Variants in LRFN2 observed in about 807,000 individuals in gnomAD.
The protein encoded by LRFN2 is leucine rich repeat and fibronectin type III domain containing 2, also known as leucine-rich repeat and fibronectin type-III domain-containing protein 2.
A neutral mutation model predicts 37.3 loss-of-function variants in LRFN2; 18 were observed. That is an observed-to-expected ratio of 0.48 (90% CI 0.33 to 0.72). The LOEUF is 0.72. Ranked by LOEUF, LRFN2 falls within the 30% of genes least tolerant of loss-of-function variation. LRFN2 has a pLI of 0.02. For synonymous variants in LRFN2, 556 were observed against 466.6 expected, an observed-to-expected ratio of 1.19 and a Z score of -2.47; for missense variants, 1,006 against 1,060.7, an observed-to-expected ratio of 0.95 and a Z score of 0.72.
chr6:40,524,360 C>A (rs1766181342), intron 1 of LRFN2, among the ~76,000 whole-genome samples: 1 of 151,954 alleles, frequency 6.6e-6, no homozygotes, highest in South Asian at 2.1e-4. Context: ...CAGCCACCTC[C>A]CCCTACCCTG....
chr6:40,525,151 G>A (rs983390766), intron 1 of LRFN2, among the ~76,000 whole-genome samples: 5 of 152,084 alleles, frequency 3.3e-5, no homozygotes, highest in African/African-American at 1.2e-4. Flanking sequence ...CCCTGGCTCT[G>A]CTGTCCCCCT....
intron 1 of LRFN2, among the ~76,000 whole-genome samples, chr6:40,575,350 A>G (rs1203283096): frequency 6.6e-6 from 1 of 150,618 alleles, no homozygotes; most frequent in East Asian, 2.4e-4. Flanking sequence ...AGGGCAAGGG[A>G]ACACACAAAG....
chr6:40,467,204 ATG>A (rs746157440), intron 1 of LRFN2, among the ~76,000 whole-genome samples: 1 of 148,102 alleles, frequency 6.8e-6, no homozygotes, highest in East Asian at 2.0e-4. Flanking sequence ...GATGATGATG[ATG>A]ATGTGTGTGT....
chr6:40,544,070 G>T (rs1561902141), intron 1 of LRFN2, among the ~76,000 whole-genome samples: 1 of 152,174 alleles, frequency 6.6e-6, no homozygotes, highest in Non-Finnish European at 1.5e-5. Flanking sequence ...TTCTCACCAG[G>T]GCACAATTAG....
chr6:40,394,188 T>C (rs1394823767), intron 2 of LRFN2, among the ~76,000 whole-genome samples: 1 of 152,116 alleles, frequency 6.6e-6, no homozygotes. Flanking sequence ...CACCCTGAAC[T>C]CTGGACCCTT....
intron 2 of LRFN2, 106 bp downstream of exon 2, chr6:40,431,608 C>A: frequency 1.0e-6 from 1 of 994,670 alleles, no homozygotes; most frequent in Non-Finnish European, 1.4e-6. Context: ...CCACAGACAC[C>A]TTTGGGGAAG....
At chr6:40,575,723 A>T (rs1174681551) in intron 1 of LRFN2, among the ~76,000 whole-genome samples, 1 of 147,340 alleles carries the variant, frequency 6.8e-6, no homozygotes, top group Admixed American at 6.7e-5. Context: ...TCCCACCCCC[A>T]ATCCAACTCA....
intron 1 of LRFN2, among the ~76,000 whole-genome samples, chr6:40,525,332 A>G (rs1481328321): frequency 2.0e-5 from 3 of 152,222 alleles, no homozygotes; most frequent in Non-Finnish European, 4.4e-5. Flanking sequence ...AAGGGTGCAT[A>G]TGACAAATGA....
At chr6:40,437,960 A>G (rs894431553) in intron 1 of LRFN2, among the ~76,000 whole-genome samples, 5 of 152,210 alleles carry the variant, frequency 3.3e-5, no homozygotes, top group African/African-American at 1.2e-4. Context: ...AAAGAGATAA[A>G]TGAAAGTGGG....
At chr6:40,438,590 G>C (rs1167164373) in intron 1 of LRFN2, among the ~76,000 whole-genome samples, 4 of 152,214 alleles carry the variant, frequency 2.6e-5, no homozygotes, top group Non-Finnish European at 5.9e-5. Flanking sequence ...GCCATGCTCA[G>C]AGTAAAGGAG....
At chr6:40,439,201 C>T (rs1333357867) in intron 1 of LRFN2, among the ~76,000 whole-genome samples, 1 of 152,214 alleles carries the variant, frequency 6.6e-6, no homozygotes, top group Non-Finnish European at 1.5e-5. Context: ...ACCTTAGCAA[C>T]CAGCCGAGGA....
chr6:40,531,584 G>A (rs1415499940), intron 1 of LRFN2, among the ~76,000 whole-genome samples: 2 of 152,190 alleles, frequency 1.3e-5, no homozygotes, highest in Admixed American at 6.5e-5. Context: ...TGCCCTTGGA[G>A]CTGTTTTTGA....
chr6:40,505,196 T>TG (rs1561884210), intron 1 of LRFN2, among the ~76,000 whole-genome samples: 3 of 152,106 alleles, frequency 2.0e-5, no homozygotes, highest in African/African-American at 7.2e-5. Context: ...CGGGATTCTG[T>TG]GGGGGCGGGG....
intron 1 of LRFN2, among the ~76,000 whole-genome samples, chr6:40,497,004 C>G (rs58009706): frequency 0.05 from 7,585 of 152,170 alleles, 630 homozygotes; most frequent in African/African-American, 0.17. Context: ...TGTCGGGTGA[C>G]TGGATGTAAT....
chr6:40,426,536 A>T (rs1250031251), intron 2 of LRFN2, among the ~76,000 whole-genome samples: 1 of 152,254 alleles, frequency 6.6e-6, no homozygotes, highest in East Asian at 1.9e-4. Context: ...ATACAAAGCC[A>T]AATCATTTCG....
chr6:40,524,391 C>A (rs547349494), intron 1 of LRFN2, among the ~76,000 whole-genome samples: 2 of 137,206 alleles, frequency 1.5e-5, no homozygotes, highest in African/African-American at 2.6e-5. Context: ...TCCCCACCCC[C>A]GACCCGCCAC....
intron 1 of LRFN2, among the ~76,000 whole-genome samples, chr6:40,567,858 TAC>T (rs1767117032): frequency 1.3e-5 from 2 of 152,050 alleles, no homozygotes; most frequent in African/African-American, 2.4e-5. Flanking sequence ...GCAGGCATCT[TAC>T]AGAGACTATA....
chr6:40,497,155 C>T (rs1765247963), intron 1 of LRFN2, among the ~76,000 whole-genome samples: 1 of 152,196 alleles, frequency 6.6e-6, no homozygotes. Context: ...GACTGCCCAC[C>T]TCACTCCTAA....
chr6:40,432,634 G>A lies in LRFN2; in HGVS notation c.480C>T (p.Asn160=). Residue 160 remains asparagine (N), a synonymous_variant, in exon 2 of 3, where the codon AAC becomes AAT. Transcript: ENST00000338305. ...CGGAGTCCCACGGCAGGCCATGGAG[G>A]TTGTTGTAGGAGAGGTCCAGATCCT... ...TLEDLDLSYN[N]LHGLPWDSVR... 1 of 1,614,208 alleles carries A rather than the reference G, an allele frequency of 6.2e-7. No individual in the cohort carries two copies. The highest frequency in any genetic ancestry group is 1.1e-5 in the South Asian group (1 of 91,088).
Sources: allele counts gnomAD v4.1 joint callset (sites outside exome capture counted in the v4.1 genomes callset), GRCh38; gene constraint gnomAD v4.1.1; transcripts MANE v1.5; gene names NCBI Gene and HGNC (gene_info 2026-07-23, HGNC 2026-07-21).